Variants in SLC2A13 observed in about 807,000 individuals in gnomAD.
The protein encoded by SLC2A13 is proton myo-inositol cotransporter.
SLC2A13 carries 32 observed loss-of-function variants against 64.4 expected under a neutral mutation model. The ratio of observed to expected loss-of-function variants is 0.50; its 90% CI spans 0.37 to 0.67. The LOEUF is 0.67. Among genes scored for constraint, SLC2A13 ranks in the 30% least tolerant of loss-of-function variants. SLC2A13 has a pLI of 0.00. For missense variants in SLC2A13, 743 were observed against 829.2 expected, an observed-to-expected ratio of 0.90 and a Z score of 1.28; for synonymous variants, 338 against 327.1, an observed-to-expected ratio of 1.03 and a Z score of -0.36.
chr12:40,091,301 A>T (rs984524859), intron 1 of SLC2A13, among the ~76,000 whole-genome samples: 3 of 152,212 alleles, frequency 2.0e-5, no homozygotes, highest in Non-Finnish European at 4.4e-5. Context: ...TATGCACTGT[A>T]ATTTGTACAG....
At position 39,757,055 on chromosome 12, in the gene SLC2A13, T is replaced by C. The variant is rs1043272812; in HGVS notation, c.*2971A>G. 3 of 151,786 alleles carry C rather than the reference T, an allele frequency of 2.0e-5. No homozygotes were observed. Among genetic ancestry groups the C allele is most frequent in the African/African-American group, 7.2e-5 (3 of 41,414 alleles). 9.4% of individuals were successfully genotyped at this position (151,786 alleles called of 1,614,324 possible). A position where few individuals can be genotyped will look rare whatever the true frequency, so the allele number is the denominator to read the frequency against. On this transcript the variant is annotated 3_prime_UTR_variant, in exon 10 of 10. Transcript: ENST00000280871. ...GAGCAACAATCAAAATTATTAGGAATGTTTACATTGAAGAAAATTATTAAC... is the reference window on the plus strand; with the variant it reads ...GAGCAACAATCAAAATTATTAGGAACGTTTACATTGAAGAAAATTATTAAC...
At chr12:39,915,870 C>T (rs1429523028) in intron 4 of SLC2A13, among the ~76,000 whole-genome samples, 8 of 151,902 alleles carry the variant, frequency 5.3e-5, no homozygotes, top group Non-Finnish European at 4.4e-5. Flanking sequence ...CAATGCCTGA[C>T]ATCATCACGA....
intron 4 of SLC2A13, among the ~76,000 whole-genome samples, chr12:39,883,736 G>A (rs554640522): frequency 6.6e-6 from 1 of 152,216 alleles, no homozygotes; most frequent in East Asian, 1.9e-4. Context: ...CAACATTTTA[G>A]AGCTTGGTCA....
chr12:39,940,770 A>G lies in SLC2A13; in HGVS notation c.1034+10487T>C, dbSNP rs139810312. On this transcript the variant is annotated intron_variant, in intron 4 of 9. Transcript: ENST00000280871. ...ACAGGTGGTATTTGGCTACATGAGT[A>G]ACTTCTTTAGTGGTGATTTGTGAGA... Among the ~76,000 whole-genome samples, 561 of 152,140 alleles carry G rather than the reference A, an allele frequency of 3.7e-3. 4 individuals are homozygous for G. The highest frequency in any genetic ancestry group is 0.013 in the African/African-American group (537 of 41,504).
intron 6 of SLC2A13, 123 bp downstream of exon 6, chr12:39,864,639 C>G: frequency 7.5e-7 from 1 of 1,326,980 alleles, no homozygotes; most frequent in East Asian, 2.5e-5. Context: ...ATTTTCTTCC[C>G]TTCTTACATA....
intron 2 of SLC2A13, among the ~76,000 whole-genome samples, chr12:40,034,367 A>G (rs937231865): frequency 6.6e-6 from 1 of 152,176 alleles, no homozygotes; most frequent in Non-Finnish European, 1.5e-5. Context: ...CAAGCAAAAT[A>G]ACCACCTCAT....
intron 2 of SLC2A13, among the ~76,000 whole-genome samples, chr12:40,037,184 T>G (rs1177104227): frequency 6.6e-6 from 1 of 152,204 alleles, no homozygotes; most frequent in Non-Finnish European, 1.5e-5. Flanking sequence ...GGACTCAAAT[T>G]TACTTTTCTT....
At chr12:39,979,909 A>C (rs1249506384) in intron 3 of SLC2A13, among the ~76,000 whole-genome samples, 4 of 139,168 alleles carry the variant, frequency 2.9e-5, no homozygotes, top group Non-Finnish European at 4.7e-5. Flanking sequence ...AAAAATGTTA[A>C]GGGCAGCCAG....
intron 3 of SLC2A13, among the ~76,000 whole-genome samples, chr12:39,996,184 G>A (rs1331659512): frequency 6.6e-6 from 1 of 152,170 alleles, no homozygotes; most frequent in Non-Finnish European, 1.5e-5. Context: ...GGTGACTCTT[G>A]TTATGTTTTA....
At chr12:39,964,438 C>T (rs969936908) in intron 3 of SLC2A13, among the ~76,000 whole-genome samples, 3 of 152,168 alleles carry the variant, frequency 2.0e-5, no homozygotes, top group Admixed American at 6.5e-5. Context: ...TCCAGTCTCT[C>T]ATCTTTCACT....
At chr12:40,022,920 G>GA (rs968199628) in intron 3 of SLC2A13, among the ~76,000 whole-genome samples, 1 of 151,728 alleles carries the variant, frequency 6.6e-6, no homozygotes, top group Non-Finnish European at 1.5e-5. Flanking sequence ...TCTTTTAGGG[G>GA]AAAAAAAGCC....
intron 6 of SLC2A13, among the ~76,000 whole-genome samples, chr12:39,854,160 G>A (rs1209250973): frequency 2.0e-5 from 3 of 151,660 alleles, no homozygotes; most frequent in Non-Finnish European, 4.4e-5. Flanking sequence ...AGAACAAAAT[G>A]GCTCTGCAAC....
At chr12:39,899,993 T>C in intron 4 of SLC2A13, among the ~76,000 whole-genome samples, 1 of 150,982 alleles carries the variant, frequency 6.6e-6, no homozygotes, top group Admixed American at 6.8e-5. Context: ...TTATCCACCA[T>C]GATCAAGTGG....
chr12:39,798,423 GA>G (rs1941655189), intron 7 of SLC2A13, among the ~76,000 whole-genome samples: 1 of 152,190 alleles, frequency 6.6e-6, no homozygotes, highest in African/African-American at 2.4e-5. Flanking sequence ...AATATTAAAT[GA>G]AGATCAATTA....
At chr12:39,973,857 T>C (rs934007448) in intron 3 of SLC2A13, among the ~76,000 whole-genome samples, 9 of 152,240 alleles carry the variant, frequency 5.9e-5, no homozygotes, top group African/African-American at 2.2e-4. Flanking sequence ...CTAATTTCCA[T>C]CTGCAGAGTG....
At chr12:40,074,628 T>C (rs1174730106) in intron 1 of SLC2A13, among the ~76,000 whole-genome samples, 1 of 152,216 alleles carries the variant, frequency 6.6e-6, no homozygotes, top group Non-Finnish European at 1.5e-5. Context: ...CAGTTCCCAA[T>C]CTGATGATTC....
chr12:39,892,078 C>G (rs1286113358), intron 4 of SLC2A13, among the ~76,000 whole-genome samples: 1 of 152,132 alleles, frequency 6.6e-6, no homozygotes, highest in Non-Finnish European at 1.5e-5. Flanking sequence ...TAAAAGTTTG[C>G]AAATTACCAA....
chr12:39,828,934 G>C (rs1443635487), intron 7 of SLC2A13, among the ~76,000 whole-genome samples: 1 of 151,856 alleles, frequency 6.6e-6, no homozygotes, highest in Non-Finnish European at 1.5e-5. Flanking sequence ...AATGTGGTCT[G>C]GATTTTTACT....
intron 4 of SLC2A13, among the ~76,000 whole-genome samples, chr12:39,891,677 C>T (rs1944613045): frequency 6.6e-6 from 1 of 152,058 alleles, no homozygotes; most frequent in South Asian, 2.1e-4. Context: ...TGCAATTTTA[C>T]ATATTAGAAA....
Sources: allele counts gnomAD v4.1 joint callset (sites outside exome capture counted in the v4.1 genomes callset), GRCh38; gene constraint gnomAD v4.1.1; transcripts MANE v1.5; gene names NCBI Gene and HGNC (gene_info 2026-07-23, HGNC 2026-07-21).